CAMKMT: variants seen among roughly 807,000 people sequenced by gnomAD.
CAMKMT encodes calmodulin-lysine N-methyltransferase.
CAMKMT carries 53 observed loss-of-function variants against 48.0 expected under a neutral mutation model. That is an observed-to-expected ratio of 1.10 (90% CI 0.89 to 1.39). The LOEUF is 1.39. Ranked by LOEUF, CAMKMT falls within the 40% of genes most tolerant of loss-of-function variation. The pLI, the probability that CAMKMT is intolerant of heterozygous loss-of-function variation, is 0.00. For missense variants in CAMKMT, 428 were observed against 402.7 expected, an observed-to-expected ratio of 1.06 and a Z score of -0.54; for synonymous variants, 165 against 152.3, an observed-to-expected ratio of 1.08 and a Z score of -0.61.
intron 3 of CAMKMT, among the ~76,000 whole-genome samples, chr2:44,428,280 C>T (rs966035653): frequency 7.2e-5 from 11 of 152,264 alleles, no homozygotes; most frequent in Admixed American, 5.9e-4. Flanking sequence ...AGATAATCTT[C>T]CCCTAGAGTT....
intron 2 of CAMKMT, among the ~76,000 whole-genome samples, chr2:44,381,525 G>A (rs1297055351): frequency 6.6e-6 from 1 of 152,154 alleles, no homozygotes; most frequent in Non-Finnish European, 1.5e-5. Context: ...CCACAAGAAT[G>A]TTCACTGCAG....
chr2:44,372,651 T>C (rs1194254681), intron 1 of CAMKMT, 65 bp from the exon 2 acceptor site: 1 of 1,481,604 alleles, frequency 6.7e-7, no homozygotes, highest in East Asian at 2.3e-5. Flanking sequence ...ATTTTGAACA[T>C]TTTGAACACT....
chr2:44,565,112 C>T lies in CAMKMT; in HGVS notation c.377-139171C>T, dbSNP rs184148130. Among the ~76,000 whole-genome samples, 5 of 152,288 alleles carry T rather than the reference C, an allele frequency of 3.3e-5. No individual in the cohort carries two copies. In the East Asian group the frequency reaches 5.8e-4, roughly 18 times the overall value. On this transcript the variant is annotated intron_variant, in intron 3 of 10. Coordinates refer to ENST00000378494, the MANE Select transcript of CAMKMT (RefSeq NM_024766.5). Reference sequence around the variant, plus strand: ...GCATCTTTCTCATCTTTGTCTCTCACATTTCCTAGCATAGTGCTGGCCAAA... The same window carrying T: ...GCATCTTTCTCATCTTTGTCTCTCATATTTCCTAGCATAGTGCTGGCCAAA...
At chr2:44,638,691 T>G (rs1673283032) in intron 3 of CAMKMT, among the ~76,000 whole-genome samples, 1 of 152,228 alleles carries the variant, frequency 6.6e-6, no homozygotes, top group African/African-American at 2.4e-5. Flanking sequence ...GGCCACCTGT[T>G]TATAACTGTG....
intron 1 of CAMKMT, among the ~76,000 whole-genome samples, chr2:44,363,534 C>T (rs1234801086): frequency 2.0e-5 from 3 of 151,466 alleles, no homozygotes; most frequent in South Asian, 4.2e-4. Flanking sequence ...TGCACCACCA[C>T]GCCTGGCTAA....
At position 44,744,561 on chromosome 2, in the gene CAMKMT, T is replaced by C. The variant is rs902372540; in HGVS notation, c.698+865T>C. Among the ~76,000 whole-genome samples the C allele has an allele frequency of 7.9e-5, 12 of 152,308 alleles. No homozygotes were observed. The East Asian group carries it at 1.9e-3, about 24-fold the overall frequency. ...GATCTTGTTTGAGGTTTTATCATGA[T>C]GTTTATTAGGACACTTTAGATTTGA... On this transcript the variant is annotated intron_variant, in intron 8 of 10. Coordinates refer to ENST00000378494, the MANE Select transcript of CAMKMT (RefSeq NM_024766.5).
chr2:44,402,692 G>T (rs917326207), intron 3 of CAMKMT, among the ~76,000 whole-genome samples: 11 of 140,928 alleles, frequency 7.8e-5, no homozygotes, highest in South Asian at 6.7e-4. Flanking sequence ...TTTGAATGTT[G>T]TGCATCCTGG....
Position 44,583,267 on chromosome 2 carries a change from G to A in CAMKMT, c.377-121016G>A, listed in dbSNP as rs886546658. On this transcript the variant is annotated intron_variant, in intron 3 of 10. Coordinates refer to ENST00000378494, the MANE Select transcript of CAMKMT (RefSeq NM_024766.5). ...AGCCATCAGATACAGTAATCAATGAGCAAGACACACACACAGTCCCTGCTC... is the reference window on the plus strand; with the variant it reads ...AGCCATCAGATACAGTAATCAATGAACAAGACACACACACAGTCCCTGCTC... Among the ~76,000 whole-genome samples, 5 of 152,266 alleles carry A rather than the reference G, an allele frequency of 3.3e-5. No homozygotes were observed. In the South Asian group the frequency reaches 6.2e-4, roughly 19 times the overall value.
intron 7 of CAMKMT, among the ~76,000 whole-genome samples, chr2:44,730,954 A>C (rs555620253): frequency 2.0e-5 from 3 of 152,348 alleles, no homozygotes; most frequent in African/African-American, 7.2e-5. Flanking sequence ...TTGTTTTTGA[A>C]GTTCATTACA....
intron 3 of CAMKMT, among the ~76,000 whole-genome samples, chr2:44,455,315 A>G (rs1018260449): frequency 1.3e-5 from 2 of 152,114 alleles, no homozygotes; most frequent in Non-Finnish European, 2.9e-5. Context: ...ATTCCAGTGG[A>G]TGCTTTCTGT....
chr2:44,706,459 C>T lies in CAMKMT; in HGVS notation c.492+118C>T, dbSNP rs1356000688. ...ACAGCATCAGCTGCGGTCAAGCTGC[C>T]GGGTCTTGAGAGACCTTCTAGATTG... On this transcript the variant is annotated intron_variant, in intron 5 of 10. Transcript: ENST00000378494. 15 of 964,288 alleles carry T rather than the reference C, an allele frequency of 1.6e-5. No homozygotes were observed. The South Asian group carries it at 1.7e-4, about 11-fold the overall frequency. 59.7% of individuals were successfully genotyped at this position (964,288 alleles called of 1,614,324 possible). A position where few individuals can be genotyped will look rare whatever the true frequency, so the allele number is the denominator to read the frequency against.
chr2:44,462,824 T>G (rs1667917739), intron 3 of CAMKMT, among the ~76,000 whole-genome samples: 1 of 152,236 alleles, frequency 6.6e-6, no homozygotes, highest in South Asian at 2.1e-4. Context: ...CTTCTTTATC[T>G]CCTTTTGCTT....
chr2:44,408,736 T>TTTAA (rs949335762), intron 3 of CAMKMT, among the ~76,000 whole-genome samples: 1 of 150,980 alleles, frequency 6.6e-6, no homozygotes, highest in African/African-American at 2.5e-5. Context: ...CTATGTTAAA[T>TTTAA]TTAATTAATT....
chr2:44,747,746 T>A (rs556537055), intron 8 of CAMKMT, among the ~76,000 whole-genome samples: 1 of 152,234 alleles, frequency 6.6e-6, no homozygotes, highest in Non-Finnish European at 1.5e-5. Flanking sequence ...CTCTGCAGTC[T>A]GCATGAAACT....
intron 6 of CAMKMT, among the ~76,000 whole-genome samples, chr2:44,709,134 T>A (rs1677732280): frequency 6.6e-6 from 1 of 152,122 alleles, no homozygotes; most frequent in Admixed American, 6.6e-5. Flanking sequence ...AGAGGAAATC[T>A]CAGATTCTGT....
chr2:44,495,760 T>G (rs1419067937), intron 3 of CAMKMT, among the ~76,000 whole-genome samples: 12 of 152,108 alleles, frequency 7.9e-5, no homozygotes. Flanking sequence ...ACAGTGTAGT[T>G]CCAGCAGTGG....
At chr2:44,419,443 A>G (rs1389065508) in intron 3 of CAMKMT, among the ~76,000 whole-genome samples, 2 of 152,174 alleles carry the variant, frequency 1.3e-5, no homozygotes, top group African/African-American at 4.8e-5. Flanking sequence ...GTGGCCTCCT[A>G]TTCCCCCATC....
chr2:44,587,307 CT>C lies in CAMKMT; in HGVS notation c.377-116974del, dbSNP rs371541860. Among the ~76,000 whole-genome samples the C allele has an allele frequency of 5.9e-3, 898 of 152,240 alleles. 5 individuals carry two copies. The highest frequency in any genetic ancestry group is 0.037 in the Middle Eastern group (11 of 294). Reference sequence around the variant, plus strand: ...TTTTGCTGTTATTTTAAATTTTAAACTTCTTTCAGCAATATTTTGCAATTTT... The same window carrying C: ...TTTTGCTGTTATTTTAAATTTTAAACTCTTTCAGCAATATTTTGCAATTTT... On this transcript the variant is annotated intron_variant, in intron 3 of 10. Coordinates refer to ENST00000378494, the MANE Select transcript of CAMKMT (RefSeq NM_024766.5).
chr2:44,651,168 T>A (rs1231968670), intron 3 of CAMKMT, among the ~76,000 whole-genome samples: 1 of 152,202 alleles, frequency 6.6e-6, no homozygotes, highest in Non-Finnish European at 1.5e-5. Context: ...TTGATGTTTC[T>A]GGGAACTTAC....
Sources: gnomAD v4.1 joint callset for allele counts (sites outside exome capture counted in the v4.1 genomes callset) on GRCh38, gnomAD v4.1.1 for gene constraint, MANE v1.5 for transcripts, NCBI Gene and HGNC (gene_info 2026-07-23, HGNC 2026-07-21) for gene names.